The following ARID2 variants were observed in gnomAD, a reference collection of about 807,000 sequenced individuals.
ARID2 encodes AT-rich interaction domain 2.
A neutral mutation model predicts 184.6 loss-of-function variants in ARID2; 32 were observed. That is an observed-to-expected ratio of 0.17 (90% CI 0.13 to 0.23). ARID2 has a LOEUF of 0.23. Among genes scored for constraint, ARID2 ranks in the 10% least tolerant of loss-of-function variants. The pLI is 1.00. For missense variants in ARID2, 1,696 were observed against 2,197.6 expected, an observed-to-expected ratio of 0.77 and a Z score of 4.56; for synonymous variants, 836 against 772.6, an observed-to-expected ratio of 1.08 and a Z score of -1.36.
At chr12:45,854,498 G>A (rs922284273) in intron 15 of ARID2, among the ~76,000 whole-genome samples, 1 of 152,116 alleles carries the variant, frequency 6.6e-6, no homozygotes, top group Non-Finnish European at 1.5e-5. Context: ...TCCACATGTT[G>A]AGCTTTCCAC....
chr12:45,898,049 C>CG (rs893600779), intron 20 of ARID2, among the ~76,000 whole-genome samples: 1 of 151,932 alleles, frequency 6.6e-6, no homozygotes, highest in Non-Finnish European at 1.5e-5. Flanking sequence ...CCACCTGCCT[C>CG]GGCCCCTCAA....
At chr12:45,795,433 CTTTTTT>C (rs1942372436) in intron 3 of ARID2, among the ~76,000 whole-genome samples, 4 of 151,720 alleles carry the variant, frequency 2.6e-5, no homozygotes, top group Admixed American at 2.0e-4. Context: ...TTTTCTTTTT[CTTTTTT>C]ATTTTTTTTT....
In ARID2 at chr12:45,839,341, G is replaced by A. The variant is rs2138136505; in HGVS notation, c.1343G>A (p.Cys448Tyr). ...TTATTTATTTTAGACATGTTAGTGT[G>A]TCTGGTTTCTATGGATATTCAGATG... is the stretch of plus-strand genomic sequence containing the variant. The part of the protein sequence containing the change: ...KVEKSIDMLV[C>Y]LVSMDIQMFG... The change falls in exon 11 of 21, where the codon TGT becomes TAT. Residue 448 changes from cysteine to tyrosine, a missense_variant. This residue lies in a region of ARID2 where 86 missense variants were observed against 200.8 expected (regional missense o/e 0.43). Transcript: ENST00000334344. 6.2e-7 allele frequency: 1 copy of A among 1,610,314 alleles called. No homozygotes were observed. Among genetic ancestry groups the A allele is most frequent in the Non-Finnish European group, 8.5e-7 (1 of 1,178,912 alleles).
intron 16 of ARID2, among the ~76,000 whole-genome samples, chr12:45,875,777 G>C (rs1028435362): frequency 2.0e-5 from 3 of 152,194 alleles, no homozygotes; most frequent in African/African-American, 7.2e-5. Context: ...CTTTTCTTCT[G>C]CAGCTTCTCT....
chr12:45,891,705 A>T, intron 16 of ARID2, 75 bp from the exon 17 acceptor site: 2 of 1,516,380 alleles, frequency 1.3e-6, no homozygotes, highest in Non-Finnish European at 1.8e-6. Context: ...TGGAAATATA[A>T]GCAGAGAAAT....
chr12:45,789,314 T>A (rs1252750185), intron 3 of ARID2: 2 of 152,174 alleles, frequency 1.3e-5, no homozygotes, highest in Non-Finnish European at 1.5e-5. Flanking sequence ...GTCTGTGAGA[T>A]CTTAGGTTGG....
At chr12:45,887,369 T>G (rs1238858282) in intron 16 of ARID2, among the ~76,000 whole-genome samples, 1 of 151,952 alleles carries the variant, frequency 6.6e-6, no homozygotes, top group Non-Finnish European at 1.5e-5. Flanking sequence ...TTCTGGTTCC[T>G]TTCTTTTGAA....
At chr12:45,827,621 G>A (rs985561624) in intron 6 of ARID2, among the ~76,000 whole-genome samples, 1 of 152,074 alleles carries the variant, frequency 6.6e-6, no homozygotes, top group Non-Finnish European at 1.5e-5. Context: ...TATAAGACAT[G>A]TGAGTGTATG....
At chr12:45,730,357 G>GGCCC (rs1252740423) in intron 2 of ARID2, among the ~76,000 whole-genome samples, 1 of 146,108 alleles carries the variant, frequency 6.8e-6, no homozygotes, top group Non-Finnish European at 1.5e-5. Flanking sequence ...GCGGGCGGGC[G>GGCCC]GCCCGGCGCC....
intron 4 of ARID2, among the ~76,000 whole-genome samples, chr12:45,812,015 A>G (rs1942718647): frequency 6.6e-6 from 1 of 151,824 alleles, no homozygotes; most frequent in Admixed American, 6.6e-5. Context: ...TCATGCTTGT[A>G]ATGGTTATAG....
intron 8 of ARID2, 57 bp from the exon 9 acceptor site, chr12:45,837,264 G>A (rs2138129812): frequency 7.3e-7 from 1 of 1,361,896 alleles, no homozygotes; most frequent in Non-Finnish European, 1.0e-6. Context: ...TATTAAATTT[G>A]AAGTATACAA....
chr12:45,870,257 G>C (rs1943902865), intron 16 of ARID2, among the ~76,000 whole-genome samples: 1 of 152,076 alleles, frequency 6.6e-6, no homozygotes, highest in Non-Finnish European at 1.5e-5. Context: ...CAAAGTGCTG[G>C]GATTACAGGC....
In ARID2 at chr12:45,905,210, A is replaced by G. The variant is rs1449259762; in HGVS notation, c.*132A>G. On this transcript the variant is annotated 3_prime_UTR_variant, in exon 21 of 21. Transcript: ENST00000334344. ...TATTTTATCTCCTCCCATGATGCTG[A>G]GAGGAAGCTTCGTATTCTGATCTCT... 3.4e-6 allele frequency: 3 copies of G among 884,724 alleles called. No homozygotes were observed. The African/African-American group carries it at 5.1e-5, about 15-fold the overall frequency. 54.8% of individuals were successfully genotyped at this position (884,724 alleles called of 1,614,324 possible). A position where few individuals can be genotyped will look rare whatever the true frequency, so the allele number is the denominator to read the frequency against.
intron 11 of ARID2, among the ~76,000 whole-genome samples, chr12:45,844,145 C>T (rs1943401622): frequency 6.9e-6 from 1 of 144,100 alleles, no homozygotes; most frequent in South Asian, 2.2e-4. Flanking sequence ...TCAATCGATC[C>T]CCCTACCTCA....
At chr12:45,843,375 CT>C (rs78325653) in intron 11 of ARID2, among the ~76,000 whole-genome samples, 166 of 139,388 alleles carry the variant, frequency 1.2e-3, no homozygotes, top group Middle Eastern at 3.7e-3. Flanking sequence ...ATGTTTTCTT[CT>C]TTTTTTTTTT....
chr12:45,879,175 CT>C (rs1944060169), intron 16 of ARID2, among the ~76,000 whole-genome samples: 1 of 152,072 alleles, frequency 6.6e-6, no homozygotes, highest in Admixed American at 6.5e-5. Context: ...AGGGCTGCGA[CT>C]TTGGTAAGTT....
At chr12:45,873,730 T>A (rs1273743442) in intron 16 of ARID2, among the ~76,000 whole-genome samples, 1 of 152,162 alleles carries the variant, frequency 6.6e-6, no homozygotes, top group Non-Finnish European at 1.5e-5. Context: ...CAATAACATT[T>A]TGTCTAAAAT....
chr12:45,788,418 T>C (rs1318809776), intron 3 of ARID2, among the ~76,000 whole-genome samples: 2 of 152,178 alleles, frequency 1.3e-5, no homozygotes, highest in Non-Finnish European at 2.9e-5. Flanking sequence ...AAGTTTGATT[T>C]CATTATCCAT....
At chr12:45,886,377 G>GCCC (rs557997576) in intron 16 of ARID2, among the ~76,000 whole-genome samples, 2 of 151,938 alleles carry the variant, frequency 1.3e-5, no homozygotes, top group African/African-American at 4.8e-5. Flanking sequence ...AGGATACAGT[G>GCCC]CCCCCCCCGG....
Sources: allele counts gnomAD v4.1 joint callset (sites outside exome capture counted in the v4.1 genomes callset), GRCh38; gene constraint gnomAD v4.1.1; regional missense constraint gnomAD v4.1.1; transcripts MANE v1.5; gene names NCBI Gene and HGNC (gene_info 2026-07-23, HGNC 2026-07-21).